The following AFF3 variants were observed in gnomAD, a reference collection of about 807,000 sequenced individuals.
The protein encoded by AFF3 is AF4/FMR2 family member 3.
Under a neutral mutation model 129.7 loss-of-function variants are expected in AFF3, and 32 were observed. The observed-to-expected ratio is 0.25, with a 90% CI of 0.19 to 0.33. The LOEUF (loss-of-function observed/expected upper bound fraction) is 0.33. AFF3 is among the 10% of genes least tolerant of loss of function. The probability of loss-of-function intolerance (pLI) is 1.00; values close to 1 mark genes in which losing one functional copy is unlikely to be tolerated. For missense variants in AFF3, 1,373 were observed against 1,592.0 expected (o/e 0.86, Z 2.34); for synonymous variants, 644 against 635.4 (o/e 1.01, Z -0.20).
intron 8 of AFF3, among the ~76,000 whole-genome samples, chr2:99,781,044 G>A (rs1007639020): frequency 6.6e-6 from 1 of 152,130 alleles, no homozygotes; most frequent in African/African-American, 2.4e-5. Context: ...TCTTGGATCT[G>A]GCCCTGGTTC....
chr2:100,072,149 C>A (rs1443314603), intron 4 of AFF3, among the ~76,000 whole-genome samples: 1 of 152,176 alleles, frequency 6.6e-6, no homozygotes, highest in Non-Finnish European at 1.5e-5. Context: ...CAGACCATAA[C>A]AGTCCATGGC....
chr2:100,022,468 T>C (rs551065971), intron 4 of AFF3, among the ~76,000 whole-genome samples: 1 of 152,076 alleles, frequency 6.6e-6, no homozygotes, highest in Non-Finnish European at 1.5e-5. Context: ...TGGAGTGCAG[T>C]GGTGTGATCT....
At chr2:100,004,352 C>T (rs868269830) in intron 7 of AFF3, among the ~76,000 whole-genome samples, 85 of 152,090 alleles carry the variant, frequency 5.6e-4, no homozygotes, top group African/African-American at 1.9e-3. Flanking sequence ...CACATTAAAT[C>T]GTTTTACCTC....
intron 7 of AFF3, among the ~76,000 whole-genome samples, chr2:99,915,841 G>A (rs1350641921): frequency 6.6e-6 from 1 of 151,984 alleles, no homozygotes. Flanking sequence ...TTATGGAATT[G>A]AATTGAGAAG....
chr2:100,030,692 A>G (rs1168128787), intron 4 of AFF3, among the ~76,000 whole-genome samples: 1 of 152,254 alleles, frequency 6.6e-6, no homozygotes, highest in African/African-American at 2.4e-5. Context: ...ATGAGGTATC[A>G]AGTCACAAAA....
intron 8 of AFF3, among the ~76,000 whole-genome samples, chr2:99,828,193 T>C (rs1335970126): frequency 6.6e-6 from 1 of 152,162 alleles, no homozygotes; most frequent in Non-Finnish European, 1.5e-5. Context: ...GTCTTAAAGG[T>C]TCCTGAGGGG....
At chr2:99,671,414 C>T (rs1687133231) in intron 12 of AFF3, among the ~76,000 whole-genome samples, 1 of 152,186 alleles carries the variant, frequency 6.6e-6, no homozygotes, top group Admixed American at 6.5e-5. Flanking sequence ...ATCTGGTTTC[C>T]AGACTCCTCA....
At chr2:99,717,151 G>A (rs1374033644) in intron 11 of AFF3, among the ~76,000 whole-genome samples, 1 of 152,156 alleles carries the variant, frequency 6.6e-6, no homozygotes, top group East Asian at 1.9e-4. Flanking sequence ...GGACATTGGG[G>A]TTCAGTTTTG....
intron 2 of AFF3, among the ~76,000 whole-genome samples, chr2:100,115,770 T>C (rs960433407): frequency 2.0e-5 from 3 of 152,204 alleles, no homozygotes; most frequent in African/African-American, 7.2e-5. Flanking sequence ...TGTCTTTTAG[T>C]ATGGGAATAT....
chr2:99,560,263 T>C (rs894516019), intron 21 of AFF3, 102 bp downstream of exon 21: 3 of 1,278,552 alleles, frequency 2.3e-6, no homozygotes, highest in African/African-American at 1.5e-5. Context: ...GGGCTTTGTA[T>C]GTTAGAAGAC....
chr2:99,933,338 T>C (rs532182375), intron 7 of AFF3, among the ~76,000 whole-genome samples: 1 of 152,232 alleles, frequency 6.6e-6, no homozygotes, highest in Admixed American at 6.5e-5. Flanking sequence ...AAGACTCTTT[T>C]TTTTTAAGTT....
chr2:99,778,471 C>G (rs559899954), intron 8 of AFF3, among the ~76,000 whole-genome samples: 9 of 152,342 alleles, frequency 5.9e-5, no homozygotes, highest in African/African-American at 2.2e-4. Flanking sequence ...TGCCACCCAA[C>G]TCCCACCATA....
At chr2:100,075,635 GA>G (rs1327804954) in intron 4 of AFF3, among the ~76,000 whole-genome samples, 1 of 152,046 alleles carries the variant, frequency 6.6e-6, no homozygotes, top group Non-Finnish European at 1.5e-5. Context: ...GTTTATTAGG[GA>G]AATAATTATG....
At chr2:99,699,947 A>G (rs956635331) in intron 11 of AFF3, among the ~76,000 whole-genome samples, 2 of 152,226 alleles carry the variant, frequency 1.3e-5, no homozygotes, top group African/African-American at 4.8e-5. Context: ...ATTTAGGTTC[A>G]TCCCCATCTT....
chr2:100,018,552 C>T (rs1458571105), intron 4 of AFF3, among the ~76,000 whole-genome samples: 1 of 152,152 alleles, frequency 6.6e-6, no homozygotes, highest in East Asian at 1.9e-4. Context: ...GATAAATAAA[C>T]TGCCAGGCTG....
intron 8 of AFF3, among the ~76,000 whole-genome samples, chr2:99,812,606 C>T (rs1686880687): frequency 6.6e-6 from 1 of 152,160 alleles, no homozygotes; most frequent in South Asian, 2.1e-4. Context: ...AAAGGGAAGT[C>T]GAGTGTGACT....
intron 7 of AFF3, among the ~76,000 whole-genome samples, chr2:99,877,500 C>T (rs569124952): frequency 1.9e-4 from 29 of 152,080 alleles, no homozygotes; most frequent in Non-Finnish European, 3.2e-4. Flanking sequence ...GTGGTGAAAG[C>T]CATTACAACT....
intron 7 of AFF3, among the ~76,000 whole-genome samples, chr2:99,872,491 G>A (rs971037267): frequency 2.6e-5 from 4 of 152,014 alleles, no homozygotes; most frequent in Non-Finnish European, 2.9e-5. Flanking sequence ...CCTCCAACCC[G>A]AGGAGAAATC....
Position 99,593,872 on chromosome 2 carries a change from C to T in AFF3, c.1789G>A (p.Gly597Arg). 6 of 1,556,242 alleles carry T rather than the reference C, an allele frequency of 3.9e-6. No homozygotes were observed. The highest frequency in any genetic ancestry group is 2.3e-5 in the South Asian group (2 of 85,704). The change falls in exon 15 of 25, where the codon GGG becomes AGG. Residue 597 changes from glycine (G) to arginine (R), a missense_variant. Gly to Arg is a moderately radical substitution (Grantham distance 125). Around this residue, in one of 9 missense-constraint regions of AFF3, gnomAD observed 466 missense variants for 505.0 expected, o/e 0.92. Transcript: ENST00000672756. ...PTRRTERTSA[G>R]DGANCHRPEE... ...GGCCGGTGGCAGTTGGCGCCGTCCC[C>T]GGCTGAGGTCCTCTCGGTGCGCCTG...
Sources: gnomAD v4.1 joint callset for allele counts (sites outside exome capture counted in the v4.1 genomes callset) on GRCh38, gnomAD v4.1.1 for gene constraint, gnomAD v4.1.1 regional missense constraint, MANE v1.5 for transcripts, NCBI Gene and HGNC (gene_info 2026-07-23, HGNC 2026-07-21) for gene names.